The following FNIP2 variants were observed in gnomAD, a reference collection of about 807,000 sequenced individuals.
FNIP2 encodes folliculin interacting protein 2, also known as folliculin-interacting protein 2.
In FNIP2, 32 loss-of-function variants were observed where a neutral mutation model predicts 108.7. The ratio of observed to expected loss-of-function variants is 0.29; its 90% CI spans 0.22 to 0.40. The LOEUF is 0.40. FNIP2 is among the 10% of genes least tolerant of loss of function. FNIP2 has a pLI of 1.00. For synonymous variants in FNIP2, 480 were observed against 496.7 expected (o/e 0.97, Z 0.45); for missense variants, 1,202 against 1,381.6 (o/e 0.87, Z 2.06).
Position 158,829,183 on chromosome 4 carries a change from G to A in FNIP2, c.339G>A (p.Gly113=), listed in dbSNP as rs1488615471. 6.2e-7 allele frequency: 1 copy of A among 1,612,554 alleles called. No individual in the cohort carries two copies. The highest frequency in any genetic ancestry group is 8.5e-7 in the Non-Finnish European group (1 of 1,179,352). ...GCATCTCTTCCCACAGTTCTTCTGG[G>A]GGATCTTCACATCATGCTAAGGAAC... is the stretch of plus-strand genomic sequence containing the variant. ...SSSISSHSSS[G]GSSHHAKEQL... Residue 113 remains glycine (G), a synonymous_variant, in exon 3 of 17, where the codon GGG becomes GGA. Coordinates refer to ENST00000264433, the MANE Select transcript of FNIP2 (RefSeq NM_020840.3).
intron 7 of FNIP2, among the ~76,000 whole-genome samples, chr4:158,842,123 A>T (rs1779166742): frequency 6.6e-6 from 1 of 152,002 alleles, no homozygotes. Flanking sequence ...GATGTTTGGT[A>T]TTTTCCTGGC....
Position 158,906,094 on chromosome 4 carries a change from A to T in FNIP2, c.*1550A>T, listed in dbSNP as rs1729821282. 6.6e-6 allele frequency: 1 copy of T among 152,182 alleles called. No individual in the cohort carries two copies. Among genetic ancestry groups the T allele is most frequent in the African/African-American group, 2.4e-5 (1 of 41,450 alleles). The allele number at this position is 152,182 out of a possible 1,614,324, so 9.4% of individuals were successfully genotyped here. On this transcript the variant is annotated 3_prime_UTR_variant, in exon 17 of 17. Coordinates refer to ENST00000264433, the MANE Select transcript of FNIP2 (RefSeq NM_020840.3). ...AGTTTTGTAAGATCTTTATCATTTT[A>T]TGTCATTCATTGAAAATTGAAATGT... is the stretch of plus-strand genomic sequence containing the variant.
At chr4:158,817,200 T>C (rs1777627217) in intron 1 of FNIP2, among the ~76,000 whole-genome samples, 1 of 152,058 alleles carries the variant, frequency 6.6e-6, no homozygotes, top group Non-Finnish European at 1.5e-5. Context: ...AGGGGCAGAG[T>C]CTTGACTGCC....
intron 6 of FNIP2, chr4:158,834,331 C>CTCTCTCTCTCTCTCTCTCTCA (rs1553959318): frequency 2.7e-5 from 1 of 36,874 alleles, no homozygotes; most frequent in African/African-American, 1.1e-4. Flanking sequence ...TCTCTCTCTC[C>CTCTCTCTCTCTCTCTCTCTCA]CTCTCTAAGT....
intron 7 of FNIP2, among the ~76,000 whole-genome samples, chr4:158,840,596 A>G (rs1229256966): frequency 6.6e-6 from 1 of 152,138 alleles, no homozygotes; most frequent in East Asian, 1.9e-4. Context: ...GAGTTTTGCC[A>G]TGTTGGCCAG....
chr4:158,847,751 G>A (rs1328158304), intron 7 of FNIP2, among the ~76,000 whole-genome samples: 1 of 152,142 alleles, frequency 6.6e-6, no homozygotes, highest in Non-Finnish European at 1.5e-5. Context: ...ACCTGCCCTG[G>A]GCCAGAGGGG....
chr4:158,822,399 G>A (rs979708737), intron 1 of FNIP2, among the ~76,000 whole-genome samples: 1 of 151,974 alleles, frequency 6.6e-6, no homozygotes, highest in Non-Finnish European at 1.5e-5. Context: ...GCCCACAAAC[G>A]CCTGGGCTCA....
chr4:158,818,161 G>A (rs542464066), intron 1 of FNIP2, among the ~76,000 whole-genome samples: 125 of 152,314 alleles, frequency 8.2e-4, no homozygotes, highest in African/African-American at 2.7e-3. Context: ...AGGCTGTATT[G>A]TGACACATAC....
intron 16 of FNIP2, among the ~76,000 whole-genome samples, chr4:158,897,162 G>A (rs905113205): frequency 1.3e-5 from 2 of 152,172 alleles, no homozygotes; most frequent in African/African-American, 4.8e-5. Context: ...TCCCTGCAGA[G>A]GACATGAACT....
chr4:158,830,766 G>A (rs1407073836), intron 3 of FNIP2, among the ~76,000 whole-genome samples: 1 of 152,210 alleles, frequency 6.6e-6, no homozygotes, highest in Admixed American at 6.5e-5. Flanking sequence ...GCAGGTCGGG[G>A]TGCAGAACCA....
At chr4:158,877,708 T>C (rs1781361090) in intron 14 of FNIP2, among the ~76,000 whole-genome samples, 1 of 152,216 alleles carries the variant, frequency 6.6e-6, no homozygotes, top group African/African-American at 2.4e-5. Context: ...CTGAGAGATT[T>C]ATCAGTTGAA....
At chr4:158,900,156 T>G (rs1343552210) in intron 16 of FNIP2, among the ~76,000 whole-genome samples, 2 of 152,232 alleles carry the variant, frequency 1.3e-5, no homozygotes, top group Non-Finnish European at 2.9e-5. Flanking sequence ...TGTGTGGTTT[T>G]GAGTGAGTTT....
At chr4:158,872,743 T>G (rs1322534799) in intron 14 of FNIP2, 1 of 983,748 alleles carries the variant, frequency 1.0e-6, no homozygotes, top group African/African-American at 1.8e-5. Flanking sequence ...TGTTTTTTTT[T>G]TTTTTTTTAA....
intron 7 of FNIP2, among the ~76,000 whole-genome samples, chr4:158,847,232 G>A (rs78751320): frequency 2.3e-3 from 353 of 152,314 alleles, no homozygotes; most frequent in African/African-American, 7.7e-3. Context: ...AGAGCCAGTG[G>A]ACTTGGGGTG....
At chr4:158,802,977 A>T (rs1776811046) in intron 1 of FNIP2, among the ~76,000 whole-genome samples, 1 of 152,198 alleles carries the variant, frequency 6.6e-6, no homozygotes, top group African/African-American at 2.4e-5. Flanking sequence ...TTGAAGTAGT[A>T]GTCTGCCTTC....
chr4:158,878,378 G>A (rs1390145165), intron 14 of FNIP2, among the ~76,000 whole-genome samples: 2 of 152,186 alleles, frequency 1.3e-5, no homozygotes, highest in Admixed American at 1.3e-4. Flanking sequence ...GACATAAGCA[G>A]TGAAGCAGCA....
At chr4:158,813,535 T>C (rs1296587014) in intron 1 of FNIP2, among the ~76,000 whole-genome samples, 1 of 152,240 alleles carries the variant, frequency 6.6e-6, no homozygotes, top group Non-Finnish European at 1.5e-5. Flanking sequence ...GTTGGTTTGA[T>C]TTCTTACTGA....
chr4:158,832,909 G>A (rs1164038908), intron 5 of FNIP2, among the ~76,000 whole-genome samples: 1 of 151,820 alleles, frequency 6.6e-6, no homozygotes, highest in Non-Finnish European at 1.5e-5. Flanking sequence ...AAGTCTTTCT[G>A]TCGTCGTTTT....
intron 1 of FNIP2, among the ~76,000 whole-genome samples, chr4:158,816,959 T>TG (rs1777614649): frequency 1.3e-5 from 2 of 152,086 alleles, no homozygotes; most frequent in African/African-American, 2.4e-5. Context: ...GGAACCATTT[T>TG]GGGGAAAAAT....
Sources: gnomAD v4.1 joint callset for allele counts (sites outside exome capture counted in the v4.1 genomes callset) on GRCh38, gnomAD v4.1.1 for gene constraint, MANE v1.5 for transcripts, NCBI Gene and HGNC (gene_info 2026-07-23, HGNC 2026-07-21) for gene names.